Variants in EMC1 observed in about 807,000 individuals in gnomAD.
EMC1 encodes KIAA0090.
EMC1 carries 103 observed loss-of-function variants against 128.8 expected under a neutral mutation model. The observed-to-expected ratio is 0.80, with a 90% confidence interval of 0.68 to 0.94. The LOEUF (loss-of-function observed/expected upper bound fraction) is 0.94, where lower values mean the gene tolerates loss of function less well. Ranked by LOEUF, EMC1 falls within the 40% of genes least tolerant of loss-of-function variation. The pLI is 0.00. For synonymous variants in EMC1, 442 were observed against 490.4 expected (o/e 0.90, Z 1.30); for missense variants, 1,083 against 1,250.6 (o/e 0.87, Z 2.02).
intron 12 of EMC1, 151 bp from the exon 13 acceptor site, chr1:19,235,403 A>C: frequency 1.3e-6 from 1 of 756,102 alleles, no homozygotes; most frequent in Non-Finnish European, 2.0e-6. Context: ...CCTTATCTCA[A>C]CAAAAAATAA....
chr1:19,233,110 T>C lies in EMC1; in HGVS notation c.1458A>G (p.Lys486=), dbSNP rs956223838. Residue 486 remains lysine (K), a synonymous_variant, in exon 14 of 23, where the codon AAA becomes AAG. Coordinates refer to ENST00000477853, the MANE Select transcript of EMC1 (RefSeq NM_015047.3). ...KADGLLGMFL[K]RLSSQLILLQ... ...GCAGGATAAGCTGAGACGAGAGGCG[T>C]TTCAGGAACATCCCCAGCAAGCCAT... 1 of 1,614,070 alleles carries C rather than the reference T, an allele frequency of 6.2e-7. No homozygotes were observed. The highest frequency in any genetic ancestry group is 1.1e-5 in the South Asian group (1 of 91,072).
chr1:19,237,838 C>T (rs1386447951), intron 11 of EMC1, among the ~76,000 whole-genome samples, 179 bp downstream of exon 11: 1 of 152,252 alleles, frequency 6.6e-6, no homozygotes, highest in Non-Finnish European at 1.5e-5. Flanking sequence ...CAATGATGAG[C>T]TGGCATAAAT....
chr1:19,224,935 A>G (rs1295541887), intron 18 of EMC1, among the ~76,000 whole-genome samples: 1 of 152,120 alleles, frequency 6.6e-6, no homozygotes, highest in Non-Finnish European at 1.5e-5. Context: ...AGCTACCCAC[A>G]CAACTCACTT....
chr1:19,246,468 T>C (rs919388334), intron 1 of EMC1, among the ~76,000 whole-genome samples: 3 of 151,838 alleles, frequency 2.0e-5, no homozygotes, highest in Non-Finnish European at 4.4e-5. Flanking sequence ...AATGAGTGGG[T>C]GGGGGGAACA....
intron 7 of EMC1, 64 bp from the exon 8 acceptor site, chr1:19,240,049 T>A: frequency 6.7e-7 from 1 of 1,498,350 alleles, no homozygotes; most frequent in Non-Finnish European, 9.1e-7. Flanking sequence ...CATCCCAGGC[T>A]CACAACCTCT....
chr1:19,250,552 T>C (rs1228531066), intron 1 of EMC1, among the ~76,000 whole-genome samples: 1 of 152,188 alleles, frequency 6.6e-6, no homozygotes, highest in African/African-American at 2.4e-5. Context: ...CGAATCAACT[T>C]TTCCAAGACA....
chr1:19,232,317 T>G (rs865983770), intron 15 of EMC1, among the ~76,000 whole-genome samples: 1 of 152,098 alleles, frequency 6.6e-6, no homozygotes, highest in South Asian at 2.1e-4. Flanking sequence ...CACAAAAATA[T>G]CTTTGTGTCC....
intron 17 of EMC1, 57 bp downstream of exon 17, chr1:19,230,787 G>C (rs12128595): frequency 0.12 from 186,355 of 1,604,812 alleles, 11,267 homozygotes; most frequent in African/African-American, 0.16. Context: ...TAGCCAAATG[G>C]CCAGGAAACA....
At chr1:19,239,691 T>G (rs2093591919) in intron 8 of EMC1, 127 bp downstream of exon 8, 1 of 937,062 alleles carries the variant, frequency 1.1e-6, no homozygotes, top group Non-Finnish European at 1.7e-6. Context: ...CTCAAACCAC[T>G]TACGGGAAGG....
chr1:19,251,163 C>A (rs961186995), intron 1 of EMC1, among the ~76,000 whole-genome samples: 3 of 152,196 alleles, frequency 2.0e-5, no homozygotes, highest in Non-Finnish European at 2.9e-5. Context: ...GCACCCCAAG[C>A]ATTCCTGGAT....
chr1:19,241,221 C>T, intron 5 of EMC1, 79 bp from the exon 6 acceptor site: 4 of 1,526,008 alleles, frequency 2.6e-6, no homozygotes, highest in Non-Finnish European at 3.6e-6. Flanking sequence ...CAGGCCTCAG[C>T]CAGATGTCAC....
At chr1:19,238,568 T>C (rs767308965) in intron 10 of EMC1, among the ~76,000 whole-genome samples, 1 of 152,216 alleles carries the variant, frequency 6.6e-6, no homozygotes, top group Non-Finnish European at 1.5e-5. Context: ...ATGGGGACGC[T>C]GAGGCCCAGA....
At chr1:19,219,817 G>T in intron 21 of EMC1, 119 bp from the exon 22 acceptor site, 1 of 1,153,632 alleles carries the variant, frequency 8.7e-7, no homozygotes, top group Non-Finnish European at 1.2e-6. Flanking sequence ...TCTCCTAGGA[G>T]GTCTGCTTGC....
At chr1:19,241,196 A>G in intron 5 of EMC1, 54 bp from the exon 6 acceptor site, 1 of 1,600,650 alleles carries the variant, frequency 6.2e-7, no homozygotes, top group South Asian at 1.1e-5. Flanking sequence ...GGACAGGATT[A>G]TCCTCAGGGG....
At chr1:19,232,595 C>T (rs1399044973) in intron 15 of EMC1, 29 bp downstream of exon 15, 1 of 1,613,070 alleles carries the variant, frequency 6.2e-7, no homozygotes, top group Non-Finnish European at 8.5e-7. Context: ...CACACTGAGT[C>T]TGGCTCAAGT....
chr1:19,240,072 C>G, intron 7 of EMC1, 87 bp from the exon 8 acceptor site: 2 of 1,403,082 alleles, frequency 1.4e-6, no homozygotes, highest in Non-Finnish European at 1.9e-6. Context: ...CCTACTTTGC[C>G]GGGGGAAGTA....
At chr1:19,220,152 C>A (rs570521649) in intron 21 of EMC1, 1 of 169,392 alleles carries the variant, frequency 5.9e-6, no homozygotes, top group Non-Finnish European at 1.3e-5. Context: ...CCTCTCCATT[C>A]CTCATGCCCC....
rs140948033 is a variant in EMC1 at position 19,237,778 on chromosome 1, G to A, written c.1212+239C>T. ...ACCGCTTCATGAGAGTGTTTGGAGGGTTAAATCAATTAATGTGTAAGTTAA... is the reference window on the plus strand; with the variant it reads ...ACCGCTTCATGAGAGTGTTTGGAGGATTAAATCAATTAATGTGTAAGTTAA... On this transcript the variant is annotated intron_variant, in intron 11 of 22. Transcript: ENST00000477853. 1.6e-3 allele frequency among the ~76,000 whole-genome samples: 241 copies of A among 152,304 alleles called. 1 individual carries two copies. The highest frequency in any genetic ancestry group is 0.01 in the Middle Eastern group (3 of 294).
chr1:19,238,852 T>C lies in EMC1; in HGVS notation c.1032A>G (p.Lys344=). 6.2e-7 allele frequency: 1 copy of C among 1,600,732 alleles called. No individual in the cohort carries two copies. Among genetic ancestry groups the C allele is most frequent in the East Asian group, 2.2e-5 (1 of 44,788 alleles). ...AVMACRNEVQ[K]SSSSEDGSMG... ...TTGACCCATCTTCAGAACTGCTACT[T>C]TTCTGCTATGAGAAAGAGAAGGACA... Residue 344 remains lysine (K), a synonymous_variant, in exon 10 of 23, where the codon AAA becomes AAG. Transcript: ENST00000477853.
Sources: gnomAD v4.1 joint callset for allele counts (sites outside exome capture counted in the v4.1 genomes callset) on GRCh38, gnomAD v4.1.1 for gene constraint, MANE v1.5 for transcripts, NCBI Gene and HGNC (gene_info 2026-07-23, HGNC 2026-07-21) for gene names.